Variants in SPPL3 observed in about 807,000 individuals in gnomAD.
SPPL3 encodes signal peptide peptidase like 3.
SPPL3 carries 5 observed loss-of-function variants against 42.4 expected under a neutral mutation model. The observed-to-expected ratio is 0.12, with a 90% confidence interval of 0.06 to 0.25. The LOEUF is 0.25. SPPL3 is among the 10% of genes least tolerant of loss of function. SPPL3 has a pLI of 1.00. For missense variants in SPPL3, 235 were observed against 489.0 expected (o/e 0.48, Z 4.90); for synonymous variants, 195 against 181.8 (o/e 1.07, Z -0.58).
intron 5 of SPPL3, among the ~76,000 whole-genome samples, chr12:120,783,300 T>C (rs1024666814): frequency 2.6e-5 from 4 of 152,168 alleles, no homozygotes; most frequent in African/African-American, 9.7e-5. Context: ...GTAGGTAGCA[T>C]ATCTAGGCCA....
At chr12:120,832,160 A>T (rs1871446251) in intron 1 of SPPL3, among the ~76,000 whole-genome samples, 1 of 152,212 alleles carries the variant, frequency 6.6e-6, no homozygotes. Flanking sequence ...TTTAATACTC[A>T]AAATAACCCT....
At chr12:120,848,957 G>C (rs1210169707) in intron 1 of SPPL3, among the ~76,000 whole-genome samples, 2 of 151,874 alleles carry the variant, frequency 1.3e-5, no homozygotes, top group East Asian at 1.9e-4. Flanking sequence ...TCAAGGCCCA[G>C]GATGTAATAC....
In SPPL3 at chr12:120,852,905, A is replaced by ATATT. The variant is rs1555252695; in HGVS notation, c.24-42020_24-42019insAATA. Among the ~76,000 whole-genome samples, 29 of 112,780 alleles carry ATATT rather than the reference A, an allele frequency of 2.6e-4. 1 individual carries two copies. Among genetic ancestry groups the ATATT allele is most frequent in the Non-Finnish European group, 5.1e-4 (28 of 55,394 alleles). The allele number at this position is 112,780 out of a possible 152,430, so 74.0% of individuals were successfully genotyped here. A position where few individuals can be genotyped will look rare whatever the true frequency, so the allele number is the denominator to read the frequency against. ...ATATATATTTCATATATATATATAT[A>ATATT]TTTTTTAAGATGGATTTTCACTCTT... On this transcript the variant is annotated intron_variant, in intron 1 of 10. Transcript: ENST00000353487.
intron 1 of SPPL3, among the ~76,000 whole-genome samples, chr12:120,890,739 T>C (rs1340409761): frequency 1.3e-5 from 2 of 152,002 alleles, no homozygotes; most frequent in South Asian, 2.1e-4. Flanking sequence ...AACAAAAATT[T>C]AGGAAAAGGG....
At chr12:120,874,130 A>T (rs1873006131) in intron 1 of SPPL3, among the ~76,000 whole-genome samples, 1 of 152,088 alleles carries the variant, frequency 6.6e-6, no homozygotes, top group African/African-American at 2.4e-5. Context: ...GGAAATGTGC[A>T]TCTACAAAAA....
At chr12:120,817,092 C>T (rs1029316277) in intron 1 of SPPL3, among the ~76,000 whole-genome samples, 6 of 151,398 alleles carry the variant, frequency 4.0e-5, no homozygotes, top group Admixed American at 6.6e-5. Context: ...GAGTTCAAGA[C>T]CAGCCTGGGC....
At chr12:120,815,470 T>TA (rs1329340493) in intron 1 of SPPL3, among the ~76,000 whole-genome samples, 1 of 152,170 alleles carries the variant, frequency 6.6e-6, no homozygotes, top group Admixed American at 6.5e-5. Flanking sequence ...TCCAGAGCTA[T>TA]AAAAAAACAA....
chr12:120,838,206 C>T (rs910706376), intron 1 of SPPL3, among the ~76,000 whole-genome samples: 5 of 152,160 alleles, frequency 3.3e-5, no homozygotes, highest in Non-Finnish European at 7.3e-5. Context: ...GAGAGATGGG[C>T]TATCTGAATT....
At position 120,764,227 on chromosome 12, in the gene SPPL3, T is replaced by G. The variant is rs1306897182; in HGVS notation, c.*772A>C. 6.6e-6 allele frequency: 1 copy of G among 152,366 alleles called. No homozygotes were observed. The highest frequency in any genetic ancestry group is 1.5e-5 in the Non-Finnish European group (1 of 68,044). 9.4% of individuals were successfully genotyped at this position (152,366 alleles called of 1,614,324 possible). ...GGAAGCCACAGTAAACTGCTCGACA[T>G]GCTCAAAACGACAGCAAGCCCCTGT... On this transcript the variant is annotated 3_prime_UTR_variant, in exon 11 of 11. Coordinates refer to ENST00000353487, the MANE Select transcript of SPPL3 (RefSeq NM_139015.5).
intron 8 of SPPL3, 138 bp downstream of exon 8, chr12:120,768,181 TCTCATC>T: frequency 1.8e-6 from 2 of 1,083,108 alleles, no homozygotes; most frequent in Non-Finnish European, 2.6e-6. Context: ...AAGCCAAGAA[TCTCATC>T]CTCATTTCCT....
chr12:120,795,763 G>A (rs1419025500), intron 2 of SPPL3, among the ~76,000 whole-genome samples: 1 of 152,018 alleles, frequency 6.6e-6, no homozygotes, highest in Non-Finnish European at 1.5e-5. Context: ...ATCAAATTTA[G>A]AAAAAACTTG....
chr12:120,869,491 A>C (rs929723974), intron 1 of SPPL3, among the ~76,000 whole-genome samples: 1 of 152,368 alleles, frequency 6.6e-6, no homozygotes, highest in South Asian at 2.1e-4. Flanking sequence ...GACATCTAGC[A>C]GACCTAAACC....
intron 1 of SPPL3, among the ~76,000 whole-genome samples, chr12:120,867,298 T>C (rs1294529456): frequency 2.0e-5 from 3 of 152,236 alleles, no homozygotes; most frequent in Non-Finnish European, 4.4e-5. Flanking sequence ...TTTATATATA[T>C]GCAGGCAATG....
intron 1 of SPPL3, among the ~76,000 whole-genome samples, chr12:120,824,471 G>A (rs1055518189): frequency 9.9e-5 from 15 of 152,132 alleles, no homozygotes; most frequent in Non-Finnish European, 1.8e-4. Context: ...ATACTACAGA[G>A]TAAGTTCTAT....
At chr12:120,784,391 T>C (rs1869644023) in intron 4 of SPPL3, 83 bp downstream of exon 4, 1 of 1,399,328 alleles carries the variant, frequency 7.1e-7, no homozygotes, top group Non-Finnish European at 9.6e-7. Context: ...ACATGGTATA[T>C]AAATCTTAAT....
At chr12:120,890,521 G>A (rs545692451) in intron 1 of SPPL3, among the ~76,000 whole-genome samples, 221 of 151,090 alleles carry the variant, frequency 1.5e-3, no homozygotes, top group Non-Finnish European at 2.8e-3. Flanking sequence ...TCTGGAAGGC[G>A]GAGGCTGCAG....
At chr12:120,799,807 T>C (rs1870228071) in intron 2 of SPPL3, among the ~76,000 whole-genome samples, 1 of 152,172 alleles carries the variant, frequency 6.6e-6, no homozygotes. Flanking sequence ...TCCAGCTTTA[T>C]ACAACAAGCT....
chr12:120,805,923 G>A (rs746514572), intron 2 of SPPL3, among the ~76,000 whole-genome samples: 60 of 150,804 alleles, frequency 4.0e-4, no homozygotes, highest in Non-Finnish European at 5.5e-4. Flanking sequence ...TCCATGGATT[G>A]GAAGTGAACA....
chr12:120,860,167 C>T (rs962428820), intron 1 of SPPL3, among the ~76,000 whole-genome samples: 8 of 152,150 alleles, frequency 5.3e-5, no homozygotes, highest in African/African-American at 1.9e-4. Flanking sequence ...CATGCCAGTG[C>T]ACTTCCAGCC....
Sources: gnomAD v4.1 joint callset for allele counts (sites outside exome capture counted in the v4.1 genomes callset) on GRCh38, gnomAD v4.1.1 for gene constraint, MANE v1.5 for transcripts, NCBI Gene and HGNC (gene_info 2026-07-23, HGNC 2026-07-21) for gene names.